DLG1: variants seen among roughly 807,000 people sequenced by gnomAD.
The protein encoded by DLG1 is discs large MAGUK scaffold protein 1.
Under a neutral mutation model 123.4 loss-of-function variants are expected in DLG1, and 42 were observed. That is an observed-to-expected ratio of 0.34 (90% confidence interval 0.27 to 0.44). The LOEUF is 0.44. DLG1 is among the 20% of genes least tolerant of loss of function. The probability of loss-of-function intolerance (pLI) is 1.00; values close to 1 mark genes in which losing one functional copy is unlikely to be tolerated. For synonymous variants in DLG1, 317 were observed against 356.2 expected (o/e 0.89, Z 1.24); for missense variants, 942 against 1,082.6 (o/e 0.87, Z 1.82).
intron 6 of DLG1, among the ~76,000 whole-genome samples, chr3:197,144,452 A>G (rs1261781294): frequency 6.6e-6 from 1 of 152,162 alleles, no homozygotes; most frequent in East Asian, 1.9e-4. Context: ...CAACCTTGTC[A>G]AGTGCCCTAA....
chr3:197,214,822 A>C (rs1733234710), intron 4 of DLG1, among the ~76,000 whole-genome samples: 1 of 152,202 alleles, frequency 6.6e-6, no homozygotes, highest in Admixed American at 6.5e-5. Flanking sequence ...TCATTGTATA[A>C]AGAATTACAA....
chr3:197,172,052 T>G (rs1804486259), intron 5 of DLG1, among the ~76,000 whole-genome samples: 1 of 152,156 alleles, frequency 6.6e-6, no homozygotes. Context: ...CTATTGTTTC[T>G]TTCCTTTATT....
chr3:197,091,157 A>G (rs1207132223), intron 14 of DLG1, 131 bp from the exon 15 acceptor site: 2 of 533,640 alleles, frequency 3.7e-6, no homozygotes, highest in Non-Finnish European at 6.4e-6. Context: ...GTAATATGCG[A>G]AAGATTTTGC....
chr3:197,132,638 T>C (rs1015401258), intron 10 of DLG1, among the ~76,000 whole-genome samples: 2 of 143,090 alleles, frequency 1.4e-5, no homozygotes, highest in Admixed American at 1.4e-4. Flanking sequence ...ACTGCTGAAA[T>C]ACACATTAAA....
chr3:197,099,456 A>G (rs1560652970), intron 14 of DLG1, among the ~76,000 whole-genome samples: 1 of 152,246 alleles, frequency 6.6e-6, no homozygotes, highest in African/African-American at 2.4e-5. Context: ...ATAATTTTAC[A>G]TAAGAGATTT....
chr3:197,155,404 T>C (rs1795936037), intron 5 of DLG1, among the ~76,000 whole-genome samples: 1 of 152,182 alleles, frequency 6.6e-6, no homozygotes, highest in Admixed American at 6.5e-5. Flanking sequence ...GGGAGTTTGT[T>C]ATCACTAGAA....
intron 24 of DLG1, among the ~76,000 whole-genome samples, chr3:197,046,724 G>T (rs1723396476): frequency 6.6e-6 from 1 of 151,994 alleles, no homozygotes; most frequent in Non-Finnish European, 1.5e-5. Context: ...ACAAAAATTA[G>T]CTGGGCATGT....
intron 6 of DLG1, among the ~76,000 whole-genome samples, chr3:197,147,741 G>A: frequency 6.6e-6 from 1 of 151,638 alleles, no homozygotes; most frequent in Non-Finnish European, 1.5e-5. Context: ...GATGATGGGT[G>A]CACCAAAATC....
Position 197,298,602 on chromosome 3 carries a change from A to AC in DLG1, c.-99dup. On this transcript the variant is annotated 5_prime_UTR_variant, in exon 1 of 25. Transcript: ENST00000667157. The stretch of plus-strand genomic sequence containing the variant: ...TCCGCGGCAGAGACAGCGCCTGGCG[A>AC]CCCCGGGGGTAGATCCCCACCGGGG... 1 of 267,762 alleles carries AC rather than the reference A, an allele frequency of 3.7e-6. No individual in the cohort carries two copies. Among genetic ancestry groups the AC allele is most frequent in the Non-Finnish European group, 6.8e-6 (1 of 146,340 alleles). The allele number at this position is 267,762 out of a possible 1,614,324, so 16.6% of individuals were successfully genotyped here.
chr3:197,121,599 CTGAG>C (rs1436782181), intron 11 of DLG1, among the ~76,000 whole-genome samples: 2 of 151,696 alleles, frequency 1.3e-5, no homozygotes, highest in African/African-American at 2.4e-5. Flanking sequence ...ACTTTTATTC[CTGAG>C]TATCATATTT....
At chr3:197,208,981 G>A (rs1320013419) in intron 4 of DLG1, among the ~76,000 whole-genome samples, 1 of 145,780 alleles carries the variant, frequency 6.9e-6, no homozygotes, top group Non-Finnish European at 1.5e-5. Flanking sequence ...GAAAATCCAA[G>A]CAAATCCACT....
In DLG1 at chr3:197,296,399, G is replaced by A. The variant is rs778558896; in HGVS notation, c.98C>T (p.Ser33Phe). ...AAATATGTTAATAACCCGTTCTATG[G>A]AACTTCTGAGCTGTCTGTCTTCAGT... ...SQTEDRQLRS[S>F]IERVINIFQS... The change falls in exon 3 of 25, where the codon TCC becomes TTC. Residue 33 changes from serine (S) to phenylalanine (F), a missense_variant. By Grantham distance (155) the Ser-to-Phe change is radical (BLOSUM62 -2). Coordinates refer to ENST00000667157, the MANE Select transcript of DLG1 (RefSeq NM_001366207.1). The A allele has an allele frequency of 2.5e-6, 4 of 1,613,566 alleles. No homozygotes were observed. In the South Asian group the frequency reaches 4.4e-5, roughly 18 times the overall value.
At chr3:197,230,760 C>T (rs533857341) in intron 4 of DLG1, among the ~76,000 whole-genome samples, 1 of 152,164 alleles carries the variant, frequency 6.6e-6, no homozygotes, top group South Asian at 2.1e-4. Flanking sequence ...ATTGTAATTC[C>T]TACAGAGCAG....
At chr3:197,161,604 G>C in intron 5 of DLG1, 2 of 1,244,376 alleles carry the variant, frequency 1.6e-6, no homozygotes, top group South Asian at 3.5e-5. Flanking sequence ...AAAAGCAAAT[G>C]AAATTTTTAT....
chr3:197,086,815 C>T (rs1169155953), intron 15 of DLG1, among the ~76,000 whole-genome samples: 1 of 151,874 alleles, frequency 6.6e-6, no homozygotes, highest in Non-Finnish European at 1.5e-5. Flanking sequence ...AAATAAAGTA[C>T]CTTAAGAGGT....
At chr3:197,097,593 T>TTG (rs1468014753) in intron 14 of DLG1, among the ~76,000 whole-genome samples, 1 of 148,198 alleles carries the variant, frequency 6.7e-6, no homozygotes, top group Admixed American at 6.7e-5. Flanking sequence ...TTTTTTTTTT[T>TTG]TTTTTGAGAG....
intron 6 of DLG1, among the ~76,000 whole-genome samples, chr3:197,143,312 G>A (rs1234346769): frequency 1.9e-4 from 2 of 10,314 alleles, no homozygotes; most frequent in East Asian, 0.01. Context: ...GAGTGCAGTG[G>A]TGGCGTGATC....
At chr3:197,091,900 G>C (rs937309180) in intron 14 of DLG1, among the ~76,000 whole-genome samples, 4 of 152,174 alleles carry the variant, frequency 2.6e-5, no homozygotes, top group African/African-American at 9.6e-5. Flanking sequence ...GTAAGAGTAA[G>C]CATGATTATT....
intron 16 of DLG1, chr3:197,085,246 T>C: frequency 4.0e-6 from 1 of 249,870 alleles, no homozygotes; most frequent in Non-Finnish European, 7.9e-6. Context: ...GGACCGACCC[T>C]CTTAACAAAT....
Sources: allele counts gnomAD v4.1 joint callset (sites outside exome capture counted in the v4.1 genomes callset), GRCh38; gene constraint gnomAD v4.1.1; transcripts MANE v1.5; gene names NCBI Gene and HGNC (gene_info 2026-07-23, HGNC 2026-07-21).